Variants in SLC39A14 observed in about 807,000 individuals in gnomAD.
SLC39A14 encodes solute carrier family 39 member 14.
In SLC39A14, 19 loss-of-function variants were observed where a neutral mutation model predicts 45.5. The observed-to-expected ratio is 0.42, with a 90% CI of 0.29 to 0.61. SLC39A14 has a LOEUF of 0.61. SLC39A14 is among the 20% of genes least tolerant of loss of function. The probability of loss-of-function intolerance (pLI) is 0.22; values close to 1 mark genes in which losing one functional copy is unlikely to be tolerated. For missense variants in SLC39A14, 447 were observed against 616.5 expected, an observed-to-expected ratio of 0.73 and a Z score of 2.91; for synonymous variants, 264 against 251.3, an observed-to-expected ratio of 1.05 and a Z score of -0.48.
At chr8:22,405,026 G>A in intron 2 of SLC39A14, 46 bp downstream of exon 2, 2 of 1,576,102 alleles carry the variant, frequency 1.3e-6, no homozygotes, top group Middle Eastern at 2.0e-4. Flanking sequence ...CCCCGTCTCT[G>A]GCCTCTCAGG....
intron 1 of SLC39A14, among the ~76,000 whole-genome samples, chr8:22,374,639 G>A (rs372856390): frequency 6.6e-5 from 10 of 152,018 alleles, no homozygotes; most frequent in Non-Finnish European, 1.2e-4. Context: ...TGAATGGCTC[G>A]GGTGTCTAAG....
intron 8 of SLC39A14, among the ~76,000 whole-genome samples, chr8:22,418,985 C>A (rs1438664121): frequency 6.6e-6 from 1 of 151,432 alleles, no homozygotes; most frequent in African/African-American, 2.4e-5. Context: ...GCTATGTTCG[C>A]ACCACTGCAC....
At position 22,404,757 on chromosome 8, in the gene SLC39A14, T is replaced by C. The variant is rs764887632; in HGVS notation, c.47T>C (p.Leu16Pro). ...CCGGCCTTCCAGAGCTGCCTCCTGCTGACCCTGCTTGGCTTATGGAGAACC... is the reference window on the plus strand; with the variant it reads ...CCGGCCTTCCAGAGCTGCCTCCTGCCGACCCTGCTTGGCTTATGGAGAACC... Reference protein sequence around the residue: ...LHPAFQSCLLLTLLGLWRTTP... With the variant: ...LHPAFQSCLLPTLLGLWRTTP... The change falls in exon 2 of 9, where the codon CTG becomes CCG. Residue 16 changes from leucine to proline, a missense_variant. Physicochemically the swap from Leu to Pro is moderately conservative, Grantham distance 98 (BLOSUM62 -3). Around this residue, in one of 2 missense-constraint regions of SLC39A14, gnomAD observed 342 missense variants for 428.1 expected, o/e 0.80. Transcript: ENST00000381237. 4 of 1,613,872 alleles carry C rather than the reference T, an allele frequency of 2.5e-6. No individual in the cohort carries two copies. The Admixed American group carries it at 6.7e-5, about 27-fold the overall frequency.
At chr8:22,383,960 C>G (rs566799953) in intron 1 of SLC39A14, among the ~76,000 whole-genome samples, 1 of 152,246 alleles carries the variant, frequency 6.6e-6, no homozygotes, top group African/African-American at 2.4e-5. Flanking sequence ...CCCCCAGGCC[C>G]GGGCTGCTGA....
At chr8:22,400,178 A>G (rs1403707462) in intron 1 of SLC39A14, among the ~76,000 whole-genome samples, 2 of 152,326 alleles carry the variant, frequency 1.3e-5, no homozygotes, top group African/African-American at 2.4e-5. Flanking sequence ...TTAAGAAAGC[A>G]CTGAATTTAA....
chr8:22,398,889 A>T (rs74376162), intron 1 of SLC39A14: 2 of 290,960 alleles, frequency 6.9e-6, no homozygotes, highest in African/African-American at 2.3e-5. Flanking sequence ...GCTTTTTCCT[A>T]TGTCTCCCTC....
intron 7 of SLC39A14, among the ~76,000 whole-genome samples, chr8:22,416,790 G>A (rs1835911757): frequency 6.6e-6 from 1 of 152,072 alleles, no homozygotes. Context: ...GGTTTTTACA[G>A]GGGTGTTTGT....
chr8:22,417,090 G>A (rs1435512551), intron 7 of SLC39A14, among the ~76,000 whole-genome samples: 1 of 152,204 alleles, frequency 6.6e-6, no homozygotes, highest in African/African-American at 2.4e-5. Context: ...TACTCCAGAG[G>A]CTTTAGGGAC....
downstream of SLC39A14, among the ~76,000 whole-genome samples, chr8:22,425,898 TTG>T (rs1396981332): frequency 0.015 from 2,151 of 138,990 alleles, 77 homozygotes; most frequent in Middle Eastern, 0.048. Flanking sequence ...TGTTTTTTTT[TTG>T]TTTTTTTTTG....
intron 1 of SLC39A14, among the ~76,000 whole-genome samples, chr8:22,368,855 C>A (rs1016240295): frequency 6.6e-6 from 1 of 152,088 alleles, no homozygotes; most frequent in African/African-American, 2.4e-5. Flanking sequence ...CTCTTAAAAC[C>A]TAAGTCCTAA....
At chr8:22,371,988 C>A (rs1832965888) in intron 1 of SLC39A14, among the ~76,000 whole-genome samples, 1 of 152,060 alleles carries the variant, frequency 6.6e-6, no homozygotes. Context: ...TGTGATCCGC[C>A]CGCCTCAGCC....
chr8:22,423,677 G>T (rs1836328310), downstream of SLC39A14, among the ~76,000 whole-genome samples: 1 of 151,784 alleles, frequency 6.6e-6, no homozygotes, highest in Non-Finnish European at 1.5e-5. Context: ...TGTTGGCCAG[G>T]CTGGTCTCAG....
chr8:22,415,620 T>C (rs1332744024), intron 5 of SLC39A14, 149 bp from the exon 6 acceptor site: 1 of 678,854 alleles, frequency 1.5e-6, no homozygotes, highest in East Asian at 2.9e-5. Flanking sequence ...TAGCTTTTGC[T>C]ATGTTTCTGG....
intron 4 of SLC39A14, among the ~76,000 whole-genome samples, chr8:22,413,410 G>C (rs990528936): frequency 6.6e-6 from 1 of 152,192 alleles, no homozygotes; most frequent in Non-Finnish European, 1.5e-5. Flanking sequence ...TGGGATTTCT[G>C]AAGCTCAACC....
In SLC39A14 at chr8:22,403,382, C is replaced by T. The variant is rs546990982; in HGVS notation, c.-15-1314C>T. Among the ~76,000 whole-genome samples the T allele has an allele frequency of 1.5e-3, 233 of 151,986 alleles. 4 individuals carry two copies. Among genetic ancestry groups the T allele is most frequent in the African/African-American group, 5.3e-3 (221 of 41,500 alleles). On this transcript the variant is annotated intron_variant, in intron 1 of 8. Coordinates refer to ENST00000381237, the MANE Select transcript of SLC39A14 (RefSeq NM_001128431.4). The stretch of plus-strand genomic sequence containing the variant: ...GCAACCTCTGCCTCCCAGGTTCAAG[C>T]GATTCTCCTGCCTCAGCCTCCTGAA...
At chr8:22,388,123 C>G (rs1833883628) in intron 1 of SLC39A14, among the ~76,000 whole-genome samples, 1 of 152,174 alleles carries the variant, frequency 6.6e-6, no homozygotes, top group South Asian at 2.1e-4. Context: ...TCAGAAAAAC[C>G]TAAAATATAA....
intron 1 of SLC39A14, among the ~76,000 whole-genome samples, chr8:22,384,336 A>G (rs763079946): frequency 6.6e-6 from 1 of 151,674 alleles, no homozygotes; most frequent in Non-Finnish European, 1.5e-5. Context: ...TGGTGGGATT[A>G]TCAGCTGGTT....
At chr8:22,369,143 C>T (rs1030408247) in intron 1 of SLC39A14, among the ~76,000 whole-genome samples, 6 of 152,146 alleles carry the variant, frequency 3.9e-5, no homozygotes, top group East Asian at 1.9e-4. Flanking sequence ...GGTTGGTTTG[C>T]AGGTAAGACT....
intron 5 of SLC39A14, 95 bp from the exon 6 acceptor site, chr8:22,415,674 C>G: frequency 8.6e-7 from 1 of 1,163,922 alleles, no homozygotes; most frequent in Non-Finnish European, 1.2e-6. Flanking sequence ...AGGCTGAGGT[C>G]TTCCAGTGTG....
Sources: allele counts gnomAD v4.1 joint callset (sites outside exome capture counted in the v4.1 genomes callset), GRCh38; gene constraint gnomAD v4.1.1; regional missense constraint gnomAD v4.1.1; transcripts MANE v1.5; gene names NCBI Gene and HGNC (gene_info 2026-07-23, HGNC 2026-07-21).